The following TEX48 variants were observed in gnomAD, a reference collection of about 807,000 sequenced individuals.
The protein encoded by TEX48 is testis expressed 48.
TEX48 carries 10 observed loss-of-function variants against 13.2 expected under a neutral mutation model. That is an observed-to-expected ratio of 0.75 (90% CI 0.47 to 1.28). TEX48 has a LOEUF of 1.28. Ranked by LOEUF, TEX48 falls within the 50% of genes most tolerant of loss-of-function variation. The pLI, the probability that TEX48 is intolerant of heterozygous loss-of-function variation, is 0.00. For missense variants in TEX48, 116 were observed against 139.4 expected (o/e 0.83, Z 0.84); for synonymous variants, 45 against 52.3 (o/e 0.86, Z 0.60).
chr9:114,671,259 A>G lies in TEX48; in HGVS notation c.127+124T>C, dbSNP rs1827940513. 5.1e-6 allele frequency: 6 copies of G among 1,180,072 alleles called. No individual in the cohort carries two copies. In the East Asian group the frequency reaches 8.2e-5, roughly 16 times the overall value. The allele number at this position is 1,180,072 out of a possible 1,614,324, so 73.1% of individuals were successfully genotyped here. On this transcript the variant is annotated intron_variant, in intron 3 of 4. Coordinates refer to ENST00000436752, the MANE Select transcript of TEX48 (RefSeq NM_001199233.2). ...TACTTAGCCATCCAACACCCACCTC[A>G]TTTTAAATTGGAATTATCACTCAGT... is the stretch of plus-strand genomic sequence containing the variant.
At chr9:114,679,364 C>T (rs921201808) in intron 1 of TEX48, among the ~76,000 whole-genome samples, 2 of 151,082 alleles carry the variant, frequency 1.3e-5, no homozygotes, top group African/African-American at 4.9e-5. Context: ...AATTTGGAGT[C>T]TGTGGAGAAC....
chr9:114,671,746 T>A lies in TEX48; in HGVS notation c.-23A>T. 6.5e-7 allele frequency: 1 copy of A among 1,535,638 alleles called. No homozygotes were observed. Among genetic ancestry groups the A allele is most frequent in the East Asian group, 2.4e-5 (1 of 40,924 alleles). On this transcript the variant is annotated 5_prime_UTR_variant, in exon 2 of 5. Coordinates refer to ENST00000436752, the MANE Select transcript of TEX48 (RefSeq NM_001199233.2). The stretch of plus-strand genomic sequence containing the variant: ...CATGGAAAGGAGTTGAAACTTCTAC[T>A]CTGCCAGCTTTGTCTGCAGGGGTGC...
chr9:114,681,071 T>C (rs1012101909), intron 1 of TEX48, among the ~76,000 whole-genome samples: 2 of 152,256 alleles, frequency 1.3e-5, no homozygotes, highest in Non-Finnish European at 2.9e-5. Context: ...AAGCAGCTTA[T>C]GGATATACAA....
intron 3 of TEX48, among the ~76,000 whole-genome samples, chr9:114,669,101 G>A (rs535265671): frequency 9.2e-5 from 14 of 151,970 alleles, no homozygotes; most frequent in Non-Finnish European, 1.8e-4. Flanking sequence ...TCAGCCTCCC[G>A]AAGTGCTAGG....
intron 1 of TEX48, among the ~76,000 whole-genome samples, chr9:114,673,190 C>T (rs948044829): frequency 1.5e-4 from 23 of 151,922 alleles, no homozygotes; most frequent in Non-Finnish European, 3.1e-4. Context: ...AAAATCACAA[C>T]GACCGGGCGC....
intron 1 of TEX48, among the ~76,000 whole-genome samples, chr9:114,680,534 A>T (rs1828175369): frequency 6.6e-6 from 1 of 152,216 alleles, no homozygotes; most frequent in African/African-American, 2.4e-5. Context: ...CAAAGAAAAA[A>T]TGAGAAGAAA....
At chr9:114,680,196 C>T (rs1010966135) in intron 1 of TEX48, among the ~76,000 whole-genome samples, 5 of 135,328 alleles carry the variant, frequency 3.7e-5, no homozygotes, top group Non-Finnish European at 7.6e-5. Flanking sequence ...GGTGCGATCT[C>T]GGGTCACTGC....
In TEX48 at chr9:114,666,497, A is replaced by C. The variant is rs1216104414; in HGVS notation, c.*146T>G. On this transcript the variant is annotated 3_prime_UTR_variant, in exon 5 of 5. Transcript: ENST00000436752. ...CCCATGGTGGCTTTTTAGGAGCTGG[A>C]GTGACTCTTGCTTGGTGGCACAAGG... 1.8e-6 allele frequency: 1 copy of C among 555,754 alleles called. No homozygotes were observed. The highest frequency in any genetic ancestry group is 3.0e-5 in the East Asian group (1 of 33,010). The allele number at this position is 555,754 out of a possible 1,614,324, so 34.4% of individuals were successfully genotyped here. A position where few individuals can be genotyped will look rare whatever the true frequency, so the allele number is the denominator to read the frequency against.
At chr9:114,671,566 G>T (rs1827948091) in intron 2 of TEX48, 61 bp from the exon 3 acceptor site, 1 of 1,532,294 alleles carries the variant, frequency 6.5e-7, no homozygotes, top group Non-Finnish European at 8.7e-7. Context: ...GATGCCTATT[G>T]GAAATTGACT....
intron 1 of TEX48, among the ~76,000 whole-genome samples, chr9:114,676,581 A>G (rs1005269415): frequency 1.4e-4 from 22 of 151,780 alleles, no homozygotes; most frequent in African/African-American, 5.3e-4. Context: ...GACACAGGAT[A>G]GACAAATGTC....
At chr9:114,679,235 G>T (rs1828138289) in intron 1 of TEX48, among the ~76,000 whole-genome samples, 1 of 142,050 alleles carries the variant, frequency 7.0e-6, no homozygotes, top group Non-Finnish European at 1.6e-5. Context: ...TAGATATCTT[G>T]ATCATTTTCC....
intron 1 of TEX48, among the ~76,000 whole-genome samples, chr9:114,673,342 A>AT (rs1827982549): frequency 1.3e-5 from 2 of 151,868 alleles, no homozygotes; most frequent in African/African-American, 4.8e-5. Context: ...TGTGTGGCAC[A>AT]TGCCTGTAAT....
chr9:114,679,252 C>T (rs770623045), intron 1 of TEX48, among the ~76,000 whole-genome samples: 18 of 136,330 alleles, frequency 1.3e-4, no homozygotes, highest in Non-Finnish European at 2.3e-4. Flanking sequence ...TTCCAAGAGT[C>T]CTAAAATGTT....
In TEX48 at chr9:114,669,295, T is replaced by A. The variant is rs534954530; in HGVS notation, c.128-958A>T. On this transcript the variant is annotated intron_variant, in intron 3 of 4. Transcript: ENST00000436752. ...GTATTATTTATTTATTTATTTATTT[T>A]TTTGAGAGAATCTCACTCTGGTACC... is the stretch of plus-strand genomic sequence containing the variant. Among the ~76,000 whole-genome samples the A allele has an allele frequency of 1.2e-3, 179 of 152,254 alleles. 1 individual carries two copies. Among genetic ancestry groups the A allele is most frequent in the African/African-American group, 4.1e-3 (172 of 41,558 alleles).
intron 3 of TEX48, among the ~76,000 whole-genome samples, chr9:114,669,702 A>C (rs1361235041): frequency 6.6e-6 from 1 of 151,918 alleles, no homozygotes; most frequent in Admixed American, 6.6e-5. Context: ...TGGCCTCCCA[A>C]AGTGCTGGGA....
intron 3 of TEX48, among the ~76,000 whole-genome samples, chr9:114,670,301 G>A (rs1460645603): frequency 1.3e-5 from 2 of 152,004 alleles, no homozygotes; most frequent in Admixed American, 6.6e-5. Flanking sequence ...TATTTTTAAG[G>A]TTCCTGATTT....
chr9:114,671,399 G>A lies in TEX48; in HGVS notation c.111C>T (p.His37=). The A allele has an allele frequency of 2.0e-6, 3 of 1,535,496 alleles. No homozygotes were observed. Among genetic ancestry groups the A allele is most frequent in the Non-Finnish European group, 2.6e-6 (3 of 1,146,802 alleles). ...DSKVPSQTQE[H]KPSTQNLLLQ... ...GATACCTACTTTGGGTCGATGGCTT[G>A]TGCTCCTGGGTTTGACTGGGAACCT... The change falls in exon 3 of 5, where the codon CAC becomes CAT. Residue 37 remains histidine (H), a synonymous_variant. Coordinates refer to ENST00000436752, the MANE Select transcript of TEX48 (RefSeq NM_001199233.2).
At position 114,677,892 on chromosome 9, in the gene TEX48, G is replaced by A. The variant is rs113553894; in HGVS notation, c.-105+4143C>T. ...GTAGAAACTGTTTATCAATTGTAGC[G>A]TGCTCTTTCCTGCTTGTCGTGGTCT... On this transcript the variant is annotated intron_variant, in intron 1 of 4. Coordinates refer to ENST00000436752, the MANE Select transcript of TEX48 (RefSeq NM_001199233.2). 2.4e-3 allele frequency among the ~76,000 whole-genome samples: 360 copies of A among 151,936 alleles called. 1 individual carries two copies. Among genetic ancestry groups the A allele is most frequent in the African/African-American group, 8.4e-3 (346 of 41,406 alleles).
intron 3 of TEX48, 108 bp from the exon 4 acceptor site, chr9:114,668,445 A>T (rs1827882656): frequency 1.1e-6 from 1 of 923,048 alleles, no homozygotes; most frequent in South Asian, 1.5e-5. Flanking sequence ...AGTGGGGGTT[A>T]TTATGGGGTG....
Sources: gnomAD v4.1 joint callset for allele counts (sites outside exome capture counted in the v4.1 genomes callset) on GRCh38, gnomAD v4.1.1 for gene constraint, MANE v1.5 for transcripts, NCBI Gene and HGNC (gene_info 2026-07-23, HGNC 2026-07-21) for gene names.